The following DIPK1C variants were observed in gnomAD, a reference collection of about 807,000 sequenced individuals.
DIPK1C encodes the protein divergent protein kinase domain 1C.
In DIPK1C, 33 loss-of-function variants were observed where a neutral mutation model predicts 28.0. The observed-to-expected ratio is 1.18, with a 90% CI of 0.89 to 1.58. The LOEUF (loss-of-function observed/expected upper bound fraction) is 1.58. DIPK1C is among the 40% of genes most tolerant of loss of function. DIPK1C has a pLI of 0.00. For missense variants in DIPK1C, 569 were observed against 568.5 expected (o/e 1.00, Z -0.01); for synonymous variants, 255 against 248.8 (o/e 1.02, Z -0.23).
At chr18:74,438,893 T>G (rs1222423318) in intron 3 of DIPK1C, among the ~76,000 whole-genome samples, 1 of 152,160 alleles carries the variant, frequency 6.6e-6, no homozygotes, top group Non-Finnish European at 1.5e-5. Context: ...CCCACCCTCT[T>G]TAACCAATCA....
chr18:74,436,414 G>A lies in DIPK1C; in HGVS notation c.*87C>T. 1 of 1,325,128 alleles carries A rather than the reference G, an allele frequency of 7.5e-7. No homozygotes were observed. The highest frequency in any genetic ancestry group is 1.0e-6 in the Non-Finnish European group (1 of 976,746). 82.1% of individuals were successfully genotyped at this position (1,325,128 alleles called of 1,614,324 possible). On this transcript the variant is annotated 3_prime_UTR_variant, in exon 4 of 4. Coordinates refer to ENST00000343998, the MANE Select transcript of DIPK1C (RefSeq NM_001044369.3). Reference sequence around the variant, plus strand: ...AGAACGGCACCCCAGAGAGCACAGGGGAAATGGCTCATCTTTAAAACAATG... The same window carrying A: ...AGAACGGCACCCCAGAGAGCACAGGAGAAATGGCTCATCTTTAAAACAATG...
At chr18:74,443,093 A>C (rs1330073245) in intron 2 of DIPK1C, among the ~76,000 whole-genome samples, 1 of 152,214 alleles carries the variant, frequency 6.6e-6, no homozygotes. Context: ...AGAGGCCCTG[A>C]ACAGGAGCGA....
rs1444515930 is a variant in DIPK1C at position 74,442,015 on chromosome 18, A to C, written c.978T>G (p.Cys326Trp). The C allele has an allele frequency of 2.5e-6, 4 of 1,613,990 alleles. No individual in the cohort carries two copies. The highest frequency in any genetic ancestry group is 3.3e-5 in the Admixed American group (2 of 59,992). The part of the protein sequence containing the change: ...TGDEDCNFFD[C>W]FSRCDLRVNK... ...TGACTCGTAAATCACATCTTGAAAA[A>C]CAGTCAAAGAAATTGCAGTCTTCAT... Residue 326 changes from cysteine (C) to tryptophan (W), a missense_variant, in exon 3 of 4, where the codon TGT (cysteine) becomes TGG (tryptophan). Cys to Trp is a radical substitution (Grantham distance 215). Transcript: ENST00000343998.
In DIPK1C at chr18:74,447,146, G is replaced by A. The variant is rs780931527; in HGVS notation, c.336C>T (p.Pro112=). The change falls in exon 2 of 4, where the codon CCC becomes CCT. Residue 112 remains proline (P), a synonymous_variant. Transcript: ENST00000343998. The surrounding 1 kb of genome is among the most constrained non-coding windows in gnomAD (Gnocchi z 4.1). The part of the protein sequence containing the change: ...KVLQADWRGR[P]VVLKSKEEAF... ...CCTCCTCCTTGGACTTGAGGACCACGGGCCGGCCGCGCCAGTCGGCCTGCA... is the reference window on the plus strand; with the variant it reads ...CCTCCTCCTTGGACTTGAGGACCACAGGCCGGCCGCGCCAGTCGGCCTGCA... 1.2e-5 allele frequency: 18 copies of A among 1,550,436 alleles called. No homozygotes were observed. The highest frequency in any genetic ancestry group is 2.4e-5 in the East Asian group (1 of 40,926).
rs1250273321 is a variant in DIPK1C at position 74,435,733 on chromosome 18, C to T, written c.*768G>A. Reference sequence around the variant, plus strand: ...CAAATTCCCTTCCCTAAAGATGCAGCTTATTTTCTTTTTATTGTATTTAAT... The same window carrying T: ...CAAATTCCCTTCCCTAAAGATGCAGTTTATTTTCTTTTTATTGTATTTAAT... On this transcript the variant is annotated 3_prime_UTR_variant, in exon 4 of 4. Transcript: ENST00000343998. 6.6e-6 allele frequency: 1 copy of T among 152,140 alleles called. No individual in the cohort carries two copies. Among genetic ancestry groups the T allele is most frequent in the Non-Finnish European group, 1.5e-5 (1 of 68,026 alleles). 9.4% of individuals were successfully genotyped at this position (152,140 alleles called of 1,614,324 possible). A position where few individuals can be genotyped will look rare whatever the true frequency, so the allele number is the denominator to read the frequency against.
At chr18:74,451,042 C>T (rs1599041049) in intron 1 of DIPK1C, among the ~76,000 whole-genome samples, 1 of 152,198 alleles carries the variant, frequency 6.6e-6, no homozygotes, top group African/African-American at 2.4e-5. Flanking sequence ...CCCTCTCCAG[C>T]CCTGGCCAGG....
chr18:74,453,966 C>T (rs1986451172), intron 1 of DIPK1C, among the ~76,000 whole-genome samples: 1 of 152,188 alleles, frequency 6.6e-6, no homozygotes, highest in Non-Finnish European at 1.5e-5. Flanking sequence ...CAACAGGCAG[C>T]AGCCCACATC....
chr18:74,446,726 G>A lies in DIPK1C; in HGVS notation c.756C>T (p.Ala252=), dbSNP rs1395961785. The A allele has an allele frequency of 1.9e-6, 3 of 1,541,314 alleles. No homozygotes were observed. The highest frequency in any genetic ancestry group is 4.1e-5 in the Admixed American group (2 of 49,216). Residue 252 remains alanine (A), a synonymous_variant, in exon 2 of 4, where the codon GCC becomes GCT. Transcript: ENST00000343998. The part of the protein sequence containing the change: ...PGAPGGGQAK[A]ISDIALSFLD... The stretch of plus-strand genomic sequence containing the variant: ...AGAAGCTGAGTGCGATGTCACTGAT[G>A]GCCTTGGCCTGGCCACCCCCAGGGG...
chr18:74,452,049 G>C (rs1470416755), intron 1 of DIPK1C, among the ~76,000 whole-genome samples: 2 of 152,166 alleles, frequency 1.3e-5, no homozygotes, highest in Non-Finnish European at 2.9e-5. Flanking sequence ...ATAAAGTGTT[G>C]ACTATCTCAC....
upstream of DIPK1C, among the ~76,000 whole-genome samples, chr18:74,459,834 C>T (rs1986591076): frequency 6.6e-6 from 1 of 152,166 alleles, no homozygotes; most frequent in African/African-American, 2.4e-5. Flanking sequence ...TCCCCTCCTC[C>T]TTGCACAGAG....
At position 74,447,424 on chromosome 18, in the gene DIPK1C, G is replaced by T; in HGVS notation, c.199-141C>A. 1.2e-6 allele frequency: 1 copy of T among 836,100 alleles called. No individual in the cohort carries two copies. Among genetic ancestry groups the T allele is most frequent in the Non-Finnish European group, 1.8e-6 (1 of 557,272 alleles). 51.8% of individuals were successfully genotyped at this position (836,100 alleles called of 1,614,324 possible). On this transcript the variant is annotated intron_variant, in intron 1 of 3. Coordinates refer to ENST00000343998, the MANE Select transcript of DIPK1C (RefSeq NM_001044369.3). This position sits in a 1 kb window ranked among gnomAD's most constrained non-coding sequence, Gnocchi z 4.1. The stretch of plus-strand genomic sequence containing the variant: ...CTGTGCAGAGAAACCTCAGCCCTGT[G>T]GATCTCAGAGGCCACTCAGCCAGTG...
chr18:74,440,764 T>G (rs1014901258), intron 3 of DIPK1C, among the ~76,000 whole-genome samples: 1 of 152,200 alleles, frequency 6.6e-6, no homozygotes, highest in African/African-American at 2.4e-5. Context: ...ATTTTGAGGG[T>G]TGGGATCGCA....
At chr18:74,441,246 A>G (rs1986116363) in intron 3 of DIPK1C, among the ~76,000 whole-genome samples, 1 of 152,170 alleles carries the variant, frequency 6.6e-6, no homozygotes, top group Non-Finnish European at 1.5e-5. Context: ...AAGCCATCGC[A>G]TGCAACCAGG....
chr18:74,451,107 T>C (rs1986388187), intron 1 of DIPK1C, among the ~76,000 whole-genome samples: 1 of 152,146 alleles, frequency 6.6e-6, no homozygotes. Flanking sequence ...CTGAGCTCAA[T>C]TTTGAAAGCG....
chr18:74,441,971 C>T lies in DIPK1C; in HGVS notation c.1022G>A (p.Arg341His), dbSNP rs772398139. ...DLRVNKCGAQ[R>H]VNNNLQVICD... ...TCATACCTGCAGGTTGTTGTTTACG[C>T]GCTGCGCTCCGCATTTGTTGACTCG... Residue 341 changes from arginine to histidine, a missense_variant, in exon 3 of 4, where the codon CGC becomes CAC. Physicochemically the swap from Arg to His is conservative, Grantham distance 29. Coordinates refer to ENST00000343998, the MANE Select transcript of DIPK1C (RefSeq NM_001044369.3). The T allele has an allele frequency of 3.0e-5, 49 of 1,613,868 alleles. 1 individual carries two copies. The highest frequency in any genetic ancestry group is 2.3e-4 in the South Asian group (21 of 91,066).
At chr18:74,437,725 C>T (rs17089291) in intron 3 of DIPK1C, among the ~76,000 whole-genome samples, 1,707 of 152,174 alleles carry the variant, frequency 0.011, 34 homozygotes, top group African/African-American at 0.039. Context: ...AAGGCTAGAC[C>T]GTGATCTCAG....
chr18:74,462,525 T>C (rs913470863), upstream of DIPK1C, among the ~76,000 whole-genome samples: 4 of 152,240 alleles, frequency 2.6e-5, no homozygotes, highest in Non-Finnish European at 5.9e-5. Flanking sequence ...TTGGCTATTG[T>C]ACATAGTGCT....
upstream of DIPK1C, among the ~76,000 whole-genome samples, chr18:74,461,705 T>C (rs1023538761): frequency 6.6e-6 from 1 of 152,090 alleles, no homozygotes; most frequent in Non-Finnish European, 1.5e-5. Flanking sequence ...ATCATAGCTC[T>C]TCCACACCTT....
rs77302402 is a variant in DIPK1C, at chr18:74,441,976, C to T, written c.1017G>A (p.Ala339=). Residue 339 remains alanine, a synonymous_variant, in exon 3 of 4, where the codon GCG becomes GCA. Transcript: ENST00000343998. The stretch of plus-strand genomic sequence containing the variant: ...CCTGCAGGTTGTTGTTTACGCGCTG[C>T]GCTCCGCATTTGTTGACTCGTAAAT... The part of the protein sequence containing the change: ...RCDLRVNKCG[A]QRVNNNLQVI... 5.4e-3 allele frequency: 8,733 copies of T among 1,614,010 alleles called. 131 individuals carry two copies. In the East Asian group the frequency reaches 0.063, roughly 12 times the overall value.
Sources: allele counts gnomAD v4.1 joint callset (sites outside exome capture counted in the v4.1 genomes callset), GRCh38; gene constraint gnomAD v4.1.1; non-coding constraint Gnocchi (gnomAD v3.1); transcripts MANE v1.5; gene names NCBI Gene and HGNC (gene_info 2026-07-23, HGNC 2026-07-21).